Variants in OSBPL10 observed in about 807,000 individuals in gnomAD.
OSBPL10 encodes the protein oxysterol-binding protein-related protein 10.
Under a neutral mutation model 81.7 loss-of-function variants are expected in OSBPL10, and 49 were observed. The observed-to-expected ratio is 0.60, with a 90% CI of 0.48 to 0.76. The LOEUF is 0.76. Among genes scored for constraint, OSBPL10 ranks in the 30% least tolerant of loss-of-function variants. OSBPL10 has a pLI of 0.00. For missense variants in OSBPL10, 923 were observed against 987.8 expected, an observed-to-expected ratio of 0.93 and a Z score of 0.88; for synonymous variants, 419 against 383.6, an observed-to-expected ratio of 1.09 and a Z score of -1.08.
intron 3 of OSBPL10, among the ~76,000 whole-genome samples, chr3:31,840,195 G>C (rs1034217263): frequency 6.6e-6 from 1 of 152,110 alleles, no homozygotes; most frequent in Admixed American, 6.5e-5. Flanking sequence ...GGGGACAAGG[G>C]CTCCTATTTT....
intron 3 of OSBPL10, among the ~76,000 whole-genome samples, chr3:31,854,220 C>T (rs1575584287): frequency 6.6e-6 from 1 of 151,780 alleles, no homozygotes; most frequent in East Asian, 1.9e-4. Flanking sequence ...ACTGTAAAGG[C>T]CAAACTGACC....
chr3:31,780,656 G>T (rs1490204544), intron 4 of OSBPL10, among the ~76,000 whole-genome samples: 1 of 152,088 alleles, frequency 6.6e-6, no homozygotes, highest in Non-Finnish European at 1.5e-5. Context: ...AAATGCAAAA[G>T]ATCATTCAAG....
chr3:31,999,125 G>C (rs1273501079), intron 2 of OSBPL10, among the ~76,000 whole-genome samples: 1 of 152,142 alleles, frequency 6.6e-6, no homozygotes, highest in Non-Finnish European at 1.5e-5. Flanking sequence ...TTGATCAGCT[G>C]TCTCCCCTCT....
chr3:32,068,341 C>T (rs1699797244), intron 1 of OSBPL10, among the ~76,000 whole-genome samples: 1 of 152,182 alleles, frequency 6.6e-6, no homozygotes. Flanking sequence ...CCCACATTCC[C>T]TTGGTGGCAA....
Position 31,681,163 on chromosome 3 carries a change from T to A in OSBPL10, c.1726+2471A>T, listed in dbSNP as rs549821011. Among the ~76,000 whole-genome samples the A allele has an allele frequency of 6.2e-4, 94 of 152,270 alleles. 1 individual carries two copies. The highest frequency in any genetic ancestry group is 1.1e-3 in the Non-Finnish European group (77 of 68,024). On this transcript the variant is annotated intron_variant, in intron 8 of 11. Coordinates refer to ENST00000396556, the MANE Select transcript of OSBPL10 (RefSeq NM_017784.5). ...CACAAATTAATGAATGTCTCATTGG[T>A]GAACTTCTTGATCCTGATTGATCCT...
intron 3 of OSBPL10, among the ~76,000 whole-genome samples, chr3:31,853,304 C>T (rs994272913): frequency 2.0e-5 from 3 of 152,228 alleles, no homozygotes; most frequent in Non-Finnish European, 2.9e-5. Context: ...CTTCAAATGA[C>T]CCTGTATCCT....
chr3:32,059,617 AAAC>A (rs939001539), intron 1 of OSBPL10, among the ~76,000 whole-genome samples: 3 of 150,390 alleles, frequency 2.0e-5, no homozygotes, highest in African/African-American at 7.3e-5. Flanking sequence ...ACAAAACAAA[AAAC>A]AACAACAACA....
intron 7 of OSBPL10, among the ~76,000 whole-genome samples, chr3:31,692,435 G>A (rs1029987227): frequency 1.3e-5 from 2 of 152,024 alleles, no homozygotes; most frequent in South Asian, 2.1e-4. Flanking sequence ...GGAGACCAGG[G>A]AAGATACGAG....
intron 1 of OSBPL10, among the ~76,000 whole-genome samples, chr3:31,898,817 A>G (rs1185854900): frequency 6.6e-6 from 1 of 152,076 alleles, no homozygotes; most frequent in Non-Finnish European, 1.5e-5. Flanking sequence ...ATATAAGTCT[A>G]CATAAAATAA....
At chr3:31,702,082 C>T (rs750084284) in intron 7 of OSBPL10, among the ~76,000 whole-genome samples, 1 of 152,170 alleles carries the variant, frequency 6.6e-6, no homozygotes, top group Non-Finnish European at 1.5e-5. Context: ...CATACCATCT[C>T]ATATGCTTTT....
At chr3:31,919,093 A>C (rs548994689) in intron 1 of OSBPL10, among the ~76,000 whole-genome samples, 7 of 152,120 alleles carry the variant, frequency 4.6e-5, no homozygotes, top group African/African-American at 1.7e-4. Flanking sequence ...TGTACCTTCT[A>C]CCCAGAATGC....
At chr3:31,980,751 G>A (rs561128931) in intron 1 of OSBPL10, 148 bp downstream of exon 1, 6 of 1,089,142 alleles carry the variant, frequency 5.5e-6, no homozygotes, top group Non-Finnish European at 7.3e-6. Context: ...CAGGGACGCA[G>A]GAAGGGCACC....
At chr3:31,737,644 G>A (rs1454097146) in intron 5 of OSBPL10, among the ~76,000 whole-genome samples, 3 of 152,042 alleles carry the variant, frequency 2.0e-5, no homozygotes, top group East Asian at 1.9e-4. Context: ...GAGATAAGGC[G>A]GCTCTACCAA....
intron 2 of OSBPL10, among the ~76,000 whole-genome samples, chr3:32,043,613 G>A (rs984419371): frequency 7.9e-5 from 12 of 152,116 alleles, no homozygotes; most frequent in Admixed American, 2.0e-4. Context: ...CGGTCCCTCC[G>A]TTTGGGATCC....
chr3:31,681,898 C>A (rs1700659336), intron 8 of OSBPL10, among the ~76,000 whole-genome samples: 1 of 152,262 alleles, frequency 6.6e-6, no homozygotes, highest in East Asian at 1.9e-4. Flanking sequence ...AATGACTAAA[C>A]CCTAACAACC....
chr3:31,675,817 G>T (rs1700456041), intron 8 of OSBPL10, among the ~76,000 whole-genome samples: 1 of 151,920 alleles, frequency 6.6e-6, no homozygotes, highest in African/African-American at 2.4e-5. Flanking sequence ...ATGGTGGCGG[G>T]CACCTGTAGT....
At chr3:31,665,738 G>A (rs534466299) in intron 10 of OSBPL10, among the ~76,000 whole-genome samples, 1 of 152,270 alleles carries the variant, frequency 6.6e-6, no homozygotes, top group Admixed American at 6.5e-5. Context: ...ATGAGGGGTG[G>A]GTGTTGGGTA....
intron 1 of OSBPL10, among the ~76,000 whole-genome samples, chr3:31,944,313 AAAAT>A (rs1171568739): frequency 1.2e-3 from 184 of 152,292 alleles, no homozygotes; most frequent in African/African-American, 4.3e-3. Flanking sequence ...TTTAAATGTA[AAAAT>A]AAATTAATTA....
intron 8 of OSBPL10, among the ~76,000 whole-genome samples, chr3:31,679,005 C>T (rs72857947): frequency 0.028 from 4,313 of 152,126 alleles, 199 homozygotes; most frequent in African/African-American, 0.096. Flanking sequence ...CGTTCCAGAG[C>T]CCCAAAATCA....
Sources: allele counts gnomAD v4.1 joint callset (sites outside exome capture counted in the v4.1 genomes callset), GRCh38; gene constraint gnomAD v4.1.1; transcripts MANE v1.5; gene names NCBI Gene and HGNC (gene_info 2026-07-23, HGNC 2026-07-21).